PDZRN4: variants seen among roughly 807,000 people sequenced by gnomAD.
PDZRN4 encodes PDZ domain-containing RING finger protein 4.
A neutral mutation model predicts 99.0 loss-of-function variants in PDZRN4; 70 were observed. That is an observed-to-expected ratio of 0.71 (90% CI 0.58 to 0.86). PDZRN4 has a LOEUF of 0.86. Among genes scored for constraint, PDZRN4 ranks in the 40% least tolerant of loss-of-function variants. PDZRN4 has a pLI of 0.00. For missense variants in PDZRN4, 1,474 were observed against 1,331.2 expected (o/e 1.11, Z -1.67); for synonymous variants, 551 against 501.6 (o/e 1.10, Z -1.32).
At position 41,188,531 on chromosome 12, in the gene PDZRN4, G is replaced by T; in HGVS notation, c.76G>T (p.Glu26Ter). 6.3e-7 allele frequency: 1 copy of T among 1,580,906 alleles called. No individual in the cohort carries two copies. Among genetic ancestry groups the T allele is most frequent in the East Asian group, 2.3e-5 (1 of 43,770 alleles). Residue 26 changes from glutamate to a stop codon, truncating the protein, a stop_gained, in exon 1 of 10, where the codon GAA becomes TAA. Coordinates refer to ENST00000402685, the MANE Select transcript of PDZRN4 (RefSeq NM_001164595.2). LOFTEE classifies it high-confidence loss of function. ...LECKLCGQVL[E>*]EPLCTPCGHV... ...GTGCAAACTGTGCGGCCAGGTGCTT[G>T]AAGAGCCCCTGTGCACGCCGTGCGG...
At position 41,188,961 on chromosome 12, in the gene PDZRN4, G is replaced by C; in HGVS notation, c.506G>C (p.Arg169Pro). 2 of 1,461,104 alleles carry C rather than the reference G, an allele frequency of 1.4e-6. No individual in the cohort carries two copies. Among genetic ancestry groups the C allele is most frequent in the South Asian group, 1.3e-5 (1 of 77,554 alleles). 90.5% of individuals were successfully genotyped at this position (1,461,104 alleles called of 1,614,324 possible). Residue 169 changes from arginine (R) to proline (P), a missense_variant, in exon 1 of 10, where the codon CGG becomes CCG. Physicochemically the swap from Arg to Pro is moderately radical, Grantham distance 103. Coordinates refer to ENST00000402685, the MANE Select transcript of PDZRN4 (RefSeq NM_001164595.2). ...GGGCCTCGGGTCCTCGCCTGGAGGCGGCGCGAGAAGGCGCTGCTGGCGCAG... is the reference window on the plus strand; with the variant it reads ...GGGCCTCGGGTCCTCGCCTGGAGGCCGCGCGAGAAGGCGCTGCTGGCGCAG... ...GPGPRVLAWR[R>P]REKALLAQLW...
At chr12:41,524,054 T>C (rs1382059937) in intron 5 of PDZRN4, among the ~76,000 whole-genome samples, 1 of 152,160 alleles carries the variant, frequency 6.6e-6, no homozygotes, top group Non-Finnish European at 1.5e-5. Context: ...GTTGCACTTC[T>C]GTACACTAAC....
At chr12:41,434,336 C>G (rs902923835) in intron 3 of PDZRN4, among the ~76,000 whole-genome samples, 7 of 151,468 alleles carry the variant, frequency 4.6e-5, no homozygotes, top group African/African-American at 1.7e-4. Context: ...ATTTAAGGGC[C>G]GTGTAATTTT....
intron 3 of PDZRN4, among the ~76,000 whole-genome samples, chr12:41,236,288 T>G (rs1455728418): frequency 6.6e-6 from 1 of 152,258 alleles, no homozygotes; most frequent in African/African-American, 2.4e-5. Context: ...AGAAATCACC[T>G]TGAAGGAAGT....
At chr12:41,206,670 T>C (rs11611769) in intron 3 of PDZRN4, among the ~76,000 whole-genome samples, 10,952 of 151,824 alleles carry the variant, frequency 0.072, 531 homozygotes, top group East Asian at 0.12. Context: ...ACTACAAGGG[T>C]AAAGCAAATC....
chr12:41,377,708 T>C (rs1366055073), intron 3 of PDZRN4, among the ~76,000 whole-genome samples: 1 of 152,168 alleles, frequency 6.6e-6, no homozygotes, highest in Non-Finnish European at 1.5e-5. Context: ...TGTTCACCTC[T>C]TTGATTACAT....
intron 3 of PDZRN4, among the ~76,000 whole-genome samples, chr12:41,396,430 A>G (rs951120104): frequency 6.6e-6 from 1 of 152,124 alleles, no homozygotes; most frequent in African/African-American, 2.4e-5. Flanking sequence ...TGTTATTGTT[A>G]TGGCAGCACA....
At chr12:41,462,852 G>T (rs2120539590) in intron 3 of PDZRN4, among the ~76,000 whole-genome samples, 1 of 152,024 alleles carries the variant, frequency 6.6e-6, no homozygotes, top group East Asian at 1.9e-4. Context: ...ATATTAGCAA[G>T]AACAATTGGC....
intron 3 of PDZRN4, among the ~76,000 whole-genome samples, chr12:41,393,075 T>C (rs1164385690): frequency 6.6e-6 from 1 of 152,174 alleles, no homozygotes. Flanking sequence ...AATGAAAAGA[T>C]TTTCTATTCC....
At chr12:41,458,295 T>C (rs1369176469) in intron 3 of PDZRN4, among the ~76,000 whole-genome samples, 1 of 152,094 alleles carries the variant, frequency 6.6e-6, no homozygotes, top group Non-Finnish European at 1.5e-5. Flanking sequence ...GTAGCTGGGA[T>C]TACAGACATG....
chr12:41,441,348 G>A (rs1300673368), intron 3 of PDZRN4, among the ~76,000 whole-genome samples: 1 of 152,124 alleles, frequency 6.6e-6, no homozygotes. Flanking sequence ...CTTCTAAGTG[G>A]ATACTGTAGC....
chr12:41,445,876 T>G (rs1455277329), intron 3 of PDZRN4, among the ~76,000 whole-genome samples: 1 of 152,104 alleles, frequency 6.6e-6, no homozygotes, highest in Non-Finnish European at 1.5e-5. Flanking sequence ...GATTTAGAAT[T>G]ATAGATAATT....
chr12:41,563,717 G>T, intron 8 of PDZRN4, 68 bp downstream of exon 8: 2 of 1,025,040 alleles, frequency 2.0e-6, no homozygotes, highest in Non-Finnish European at 3.0e-6. Context: ...ATGTAAATTC[G>T]TGAATGAATT....
At chr12:41,378,605 A>T (rs1170467504) in intron 3 of PDZRN4, among the ~76,000 whole-genome samples, 2 of 141,580 alleles carry the variant, frequency 1.4e-5, no homozygotes, top group African/African-American at 5.3e-5. Context: ...TCACTGCAAC[A>T]TCTGCCTCCC....
chr12:41,267,674 CAA>C (rs5797720), intron 3 of PDZRN4, among the ~76,000 whole-genome samples: 18,378 of 139,098 alleles, frequency 0.13, 1,214 homozygotes, highest in African/African-American at 0.17. Context: ...ACTAAAAATA[CAA>C]AAAAAAAAAA....
At chr12:41,559,958 T>C (rs1056195850) in intron 7 of PDZRN4, among the ~76,000 whole-genome samples, 2 of 152,148 alleles carry the variant, frequency 1.3e-5, no homozygotes, top group African/African-American at 4.8e-5. Flanking sequence ...GATTGTAAGT[T>C]TCCTAAGGCC....
intron 3 of PDZRN4, among the ~76,000 whole-genome samples, chr12:41,307,204 C>G (rs1951576877): frequency 6.6e-6 from 1 of 152,114 alleles, no homozygotes; most frequent in Non-Finnish European, 1.5e-5. Context: ...ATACCATAGA[C>G]TAGGTAGCCT....
chr12:41,382,077 G>A (rs1206740427), intron 3 of PDZRN4, among the ~76,000 whole-genome samples: 2 of 152,126 alleles, frequency 1.3e-5, no homozygotes, highest in African/African-American at 2.4e-5. Context: ...AATCACCTTT[G>A]GTCAAATGGG....
chr12:41,330,191 A>G (rs1288032548), intron 3 of PDZRN4, among the ~76,000 whole-genome samples: 3 of 150,682 alleles, frequency 2.0e-5, no homozygotes, highest in African/African-American at 7.3e-5. Flanking sequence ...ACAAAGTACA[A>G]AGTATTTCTG....
Sources: allele counts gnomAD v4.1 joint callset (sites outside exome capture counted in the v4.1 genomes callset), GRCh38; gene constraint gnomAD v4.1.1; transcripts MANE v1.5; gene names NCBI Gene and HGNC (gene_info 2026-07-23, HGNC 2026-07-21).